Variants in OIT3 observed in about 807,000 individuals in gnomAD.
OIT3 encodes the protein oncoprotein-induced transcript 3 protein.
In OIT3, 41 loss-of-function variants were observed where a neutral mutation model predicts 52.2. That is an observed-to-expected ratio of 0.79 (90% CI 0.61 to 1.02). The LOEUF (loss-of-function observed/expected upper bound fraction) is 1.02, where lower values mean the gene tolerates loss of function less well. OIT3 is among the 50% of genes least tolerant of loss of function. The probability of loss-of-function intolerance (pLI) is 0.00; values close to 1 mark genes in which losing one functional copy is unlikely to be tolerated. For missense variants in OIT3, 634 were observed against 715.5 expected, an observed-to-expected ratio of 0.89 and a Z score of 1.30; for synonymous variants, 244 against 276.9, an observed-to-expected ratio of 0.88 and a Z score of 1.18.
At chr10:72,931,910 A>AATC (rs1846219788) in intron 8 of OIT3, among the ~76,000 whole-genome samples, 1 of 152,206 alleles carries the variant, frequency 6.6e-6, no homozygotes, top group South Asian at 2.1e-4. Flanking sequence ...GATTGCCCTC[A>AATC]ATCAGGCAGG....
chr10:72,924,729 C>T, intron 7 of OIT3, 85 bp downstream of exon 7: 2 of 1,083,070 alleles, frequency 1.8e-6, no homozygotes, highest in Non-Finnish European at 2.6e-6. Context: ...TTTACTAAAA[C>T]TGCATGGTAC....
intron 5 of OIT3, among the ~76,000 whole-genome samples, chr10:72,913,031 G>T (rs890123564): frequency 5.9e-5 from 9 of 152,186 alleles, no homozygotes; most frequent in Admixed American, 5.9e-4. Flanking sequence ...AGTTCACAGA[G>T]TTATGCTGTC....
chr10:72,926,734 G>A (rs1195332800), intron 7 of OIT3, among the ~76,000 whole-genome samples: 2 of 152,134 alleles, frequency 1.3e-5, no homozygotes, highest in Non-Finnish European at 2.9e-5. Context: ...ATGCTAAGGT[G>A]ATTTCTAAAA....
intron 6 of OIT3, among the ~76,000 whole-genome samples, chr10:72,922,166 A>G (rs1481788410): frequency 6.6e-6 from 1 of 152,092 alleles, no homozygotes; most frequent in Non-Finnish European, 1.5e-5. Context: ...TGTCTCAGGG[A>G]TGATTTTCTT....
chr10:72,930,729 A>G (rs1433408907), intron 8 of OIT3, 92 bp downstream of exon 8: 2 of 773,654 alleles, frequency 2.6e-6, no homozygotes, highest in African/African-American at 3.8e-5. Flanking sequence ...CCAAGAGCCC[A>G]CTGGTGGGAT....
chr10:72,905,799 A>AG (rs908742078), intron 3 of OIT3, among the ~76,000 whole-genome samples: 16 of 152,208 alleles, frequency 1.1e-4, no homozygotes, highest in African/African-American at 3.6e-4. Context: ...CATCTCATTG[A>AG]GGGGATACAT....
chr10:72,906,862 T>C, intron 4 of OIT3, 144 bp downstream of exon 4: 1 of 713,908 alleles, frequency 1.4e-6, no homozygotes, highest in Non-Finnish European at 2.2e-6. Flanking sequence ...TTCATCAACA[T>C]TGAGAATACT....
chr10:72,906,738 G>T lies in OIT3; in HGVS notation c.667+20G>T, dbSNP rs1358695103. ...GTGAAGGTGAGAATGGGCAAAAAGGGACCCAAATCAAGAGCCCAGAGGAAG... is the reference window on the plus strand; with the variant it reads ...GTGAAGGTGAGAATGGGCAAAAAGGTACCCAAATCAAGAGCCCAGAGGAAG... On this transcript the variant is annotated intron_variant, in intron 4 of 8. Coordinates refer to ENST00000334011, the MANE Select transcript of OIT3 (RefSeq NM_152635.3). The T allele has an allele frequency of 1.3e-6, 2 of 1,536,450 alleles. No homozygotes were observed. Among genetic ancestry groups the T allele is most frequent in the Non-Finnish European group, 1.7e-6 (2 of 1,144,514 alleles).
chr10:72,927,698 G>A (rs536786037), intron 7 of OIT3, among the ~76,000 whole-genome samples: 8 of 152,166 alleles, frequency 5.3e-5, no homozygotes, highest in Non-Finnish European at 1.2e-4. Context: ...CAGCCCCCTC[G>A]AGTTTCTGCT....
Position 72,924,289 on chromosome 10 carries a change from G to T in OIT3, c.1012G>T (p.Gly338Trp), listed in dbSNP as rs1437535893. 3 of 1,613,694 alleles carry T rather than the reference G, an allele frequency of 1.9e-6. No homozygotes were observed. In the African/African-American group the frequency reaches 4.0e-5, roughly 22 times the overall value. Reference protein sequence around the residue: ...LVTGLPKQTPGSSGDFIIRTS... With the variant: ...LVTGLPKQTPWSSGDFIIRTS... Reference sequence around the variant, plus strand: ...GACAGGTCTACCCAAGCAGACCCCGGGGAGCAGCGGGGACTTCATCATCCG... The same window carrying T: ...GACAGGTCTACCCAAGCAGACCCCGTGGAGCAGCGGGGACTTCATCATCCG... The change falls in exon 7 of 9, where the codon GGG becomes TGG. Residue 338 changes from glycine to tryptophan, a missense_variant. By Grantham distance (184) the Gly-to-Trp change is radical (BLOSUM62 -2). Transcript: ENST00000334011.
At chr10:72,897,898 GAT>G (rs1457284014) in intron 1 of OIT3, among the ~76,000 whole-genome samples, 1 of 152,068 alleles carries the variant, frequency 6.6e-6, no homozygotes, top group East Asian at 1.9e-4. Context: ...TTTTCAAAAT[GAT>G]AGTTCTCAAC....
In OIT3 at chr10:72,911,801, G is replaced by A. The variant is rs148833304; in HGVS notation, c.752G>A (p.Arg251Gln). Residue 251 changes from arginine (R) to glutamine (Q), a missense_variant, in exon 5 of 9, where the codon CGG becomes CAG. Transcript: ENST00000334011. ...SEKGYQCECP[R>Q]GLVLSEDNHT... Reference sequence around the variant, plus strand: ...AAAGGCTACCAGTGTGAATGTCCCCGGGGCCTGGTGCTGTCTGAGGATAAC... The same window carrying A: ...AAAGGCTACCAGTGTGAATGTCCCCAGGGCCTGGTGCTGTCTGAGGATAAC... The A allele has an allele frequency of 6.3e-5, 101 of 1,613,396 alleles. No homozygotes were observed. Among genetic ancestry groups the A allele is most frequent in the Middle Eastern group, 3.3e-4 (2 of 6,080 alleles).
chr10:72,913,732 A>C, intron 6 of OIT3: 1 of 581,746 alleles, frequency 1.7e-6, no homozygotes, highest in Non-Finnish European at 3.2e-6. Context: ...TGAATGCATC[A>C]GTACCAGTGG....
chr10:72,917,676 T>C, intron 6 of OIT3: 1 of 897,082 alleles, frequency 1.1e-6, no homozygotes, highest in Non-Finnish European at 1.9e-6. Context: ...TTGAATAGCC[T>C]CTTGGTCAGT....
chr10:72,930,680 T>G (rs754579734), intron 8 of OIT3, 43 bp downstream of exon 8: 3 of 141,644 alleles, frequency 2.1e-5, no homozygotes, highest in Non-Finnish European at 2.9e-5. Context: ...AACCTGAGCC[T>G]TTTTTTTTTT....
intron 6 of OIT3, among the ~76,000 whole-genome samples, chr10:72,921,887 G>T (rs7909564): frequency 0.011 from 1,647 of 151,836 alleles, 28 homozygotes; most frequent in African/African-American, 0.038. Context: ...GGCCAGGCTG[G>T]TCTCGAACTC....
intron 6 of OIT3, among the ~76,000 whole-genome samples, chr10:72,916,162 TTA>T (rs1846071112): frequency 6.6e-6 from 1 of 152,164 alleles, no homozygotes; most frequent in South Asian, 2.1e-4. Context: ...AAGCTTAGTT[TTA>T]TTTTTATTTT....
At position 72,900,492 on chromosome 10, in the gene OIT3, A is replaced by T; in HGVS notation, c.544+8A>T. ...ACAGGCAGACATGCTTTGGTAAGAA[A>T]CTCATCAAAGGTAGAATCAGGCTAT... On this transcript the variant is annotated splice_region_variant and intron_variant, in intron 3 of 8. Coordinates refer to ENST00000334011, the MANE Select transcript of OIT3 (RefSeq NM_152635.3). 1 of 1,501,476 alleles carries T rather than the reference A, an allele frequency of 6.7e-7. No individual in the cohort carries two copies. Among genetic ancestry groups the T allele is most frequent in the Non-Finnish European group, 9.3e-7 (1 of 1,079,298 alleles). The allele number at this position is 1,501,476 out of a possible 1,614,324, so 93.0% of individuals were successfully genotyped here. A position where few individuals can be genotyped will look rare whatever the true frequency, so the allele number is the denominator to read the frequency against.
rs1589533611 is a variant in OIT3 at position 72,932,536 on chromosome 10, A to G, written c.*12A>G. On this transcript the variant is annotated 3_prime_UTR_variant, in exon 9 of 9. Coordinates refer to ENST00000334011, the MANE Select transcript of OIT3 (RefSeq NM_152635.3). The stretch of plus-strand genomic sequence containing the variant: ...ACTGGGAGGACTAGTTCGTAGCCAT[A>G]CCTCGAGTCCCTGCATTGGACGGCT... 4 of 1,581,080 alleles carry G rather than the reference A, an allele frequency of 2.5e-6. No homozygotes were observed. The East Asian group carries it at 9.0e-5, about 36-fold the overall frequency.
Sources: gnomAD v4.1 joint callset for allele counts (sites outside exome capture counted in the v4.1 genomes callset) on GRCh38, gnomAD v4.1.1 for gene constraint, MANE v1.5 for transcripts, NCBI Gene and HGNC (gene_info 2026-07-23, HGNC 2026-07-21) for gene names.